Variants in MAPK10 observed in about 807,000 individuals in gnomAD.
The protein encoded by MAPK10 is mitogen-activated protein kinase 10.
Under a neutral mutation model 59.3 loss-of-function variants are expected in MAPK10, and 25 were observed. The ratio of observed to expected loss-of-function variants is 0.42; its 90% CI spans 0.31 to 0.59. The LOEUF (loss-of-function observed/expected upper bound fraction) is 0.59. Among genes scored for constraint, MAPK10 ranks in the 20% least tolerant of loss-of-function variants. The pLI, the probability that MAPK10 is intolerant of heterozygous loss-of-function variation, is 0.15. For missense variants in MAPK10, 351 were observed against 568.9 expected (o/e 0.62, Z 3.90); for synonymous variants, 190 against 200.5 (o/e 0.95, Z 0.44).
intron 1 of MAPK10, among the ~76,000 whole-genome samples, chr4:86,464,324 AG>A (rs1752004415): frequency 6.6e-6 from 1 of 152,234 alleles, no homozygotes. Flanking sequence ...CTGGATCAAA[AG>A]GTAAAGTTTT....
rs192587797 is a variant in MAPK10 at position 86,432,746 on chromosome 4, A to C, written c.-122+20284T>G. Among the ~76,000 whole-genome samples, 226 of 152,294 alleles carry C rather than the reference A, an allele frequency of 1.5e-3. 2 individuals are homozygous for C. Among genetic ancestry groups the C allele is most frequent in the African/African-American group, 5.1e-3 (211 of 41,568 alleles). On this transcript the variant is annotated intron_variant, in intron 1 of 13. Coordinates refer to the MAPK10 transcript ENST00000361569. ...TTGTAGTGGGAATGAGAGGAGCCCA[A>C]AACAACAAAGCCAGGTGGTGGCAAT... is the stretch of plus-strand genomic sequence containing the variant.
intron 2 of MAPK10, among the ~76,000 whole-genome samples, chr4:86,344,487 C>G (rs1272754741): frequency 6.6e-6 from 1 of 152,122 alleles, no homozygotes; most frequent in African/African-American, 2.4e-5. Flanking sequence ...TCTCTCCCCA[C>G]CTCCAAAGCC....
intron 1 of MAPK10, among the ~76,000 whole-genome samples, chr4:86,586,806 G>C (rs143849327): frequency 2.0e-5 from 3 of 152,228 alleles, no homozygotes; most frequent in African/African-American, 7.2e-5. Flanking sequence ...AGGGGAAAAC[G>C]GGAAATAAGC....
chr4:86,573,825 C>A (rs1382066233), intron 1 of MAPK10, among the ~76,000 whole-genome samples: 1 of 152,082 alleles, frequency 6.6e-6, no homozygotes, highest in African/African-American at 2.4e-5. Context: ...CCTTATTATT[C>A]ATCCTTTTTG....
intron 9 of MAPK10, among the ~76,000 whole-genome samples, chr4:86,071,581 G>A (rs1406836165): frequency 6.7e-6 from 1 of 149,632 alleles, no homozygotes; most frequent in East Asian, 1.9e-4. Flanking sequence ...AAGGTGTAAG[G>A]AAGGGATCCA....
chr4:86,403,678 G>A (rs911659319), intron 1 of MAPK10, among the ~76,000 whole-genome samples: 23 of 152,094 alleles, frequency 1.5e-4, no homozygotes, highest in African/African-American at 5.6e-4. Flanking sequence ...CTTCACAGGC[G>A]GCAGGAGAGA....
At chr4:86,406,769 G>A (rs910037375) in intron 1 of MAPK10, among the ~76,000 whole-genome samples, 1 of 152,176 alleles carries the variant, frequency 6.6e-6, no homozygotes, top group Non-Finnish European at 1.5e-5. Context: ...GGCTGGACAG[G>A]AGAACCGCCT....
rs144701964 is a variant in MAPK10, at chr4:86,381,593, G to A, written c.-121-26949C>T. On this transcript the variant is annotated intron_variant, in intron 1 of 13. Transcript: ENST00000361569. ...GAGAAAGGAAGAAGCCAAGGTATTC[G>A]TGTCCCTGCCTCTCTGCCTTATGTG... Among the ~76,000 whole-genome samples, 75 of 152,248 alleles carry A rather than the reference G, an allele frequency of 4.9e-4. No homozygotes were observed. In the East Asian group the frequency reaches 0.013, roughly 27 times the overall value.
chr4:86,342,127 A>C (rs778848370), intron 2 of MAPK10, among the ~76,000 whole-genome samples: 20 of 152,204 alleles, frequency 1.3e-4, no homozygotes, highest in Non-Finnish European at 1.9e-4. Flanking sequence ...GACACATCAA[A>C]TGTTGTCCCA....
chr4:86,276,467 T>C (rs1006902326), intron 2 of MAPK10, among the ~76,000 whole-genome samples: 2 of 151,970 alleles, frequency 1.3e-5, no homozygotes, highest in Non-Finnish European at 2.9e-5. Context: ...AAAAAAAAGA[T>C]ACATGCTTGC....
chr4:86,256,734 C>CTTTTTTTTTTTTTT (rs767737802), intron 2 of MAPK10, among the ~76,000 whole-genome samples: 71 of 59,634 alleles, frequency 1.2e-3, no homozygotes, highest in Non-Finnish European at 1.4e-3. Flanking sequence ...TTCTTTCTTT[C>CTTTTTTTTTTTTTT]TTTTTTTTTT....
At chr4:86,455,341 A>G (rs72868855), upstream of MAPK10, among the ~76,000 whole-genome samples, 200 of 152,304 alleles carry the variant, frequency 1.3e-3, 1 homozygote, top group African/African-American at 4.6e-3. Context: ...AAGACACGGA[A>G]TTGCAGAATG....
At chr4:86,515,876 TTTG>T (rs1000671097) in intron 1 of MAPK10, among the ~76,000 whole-genome samples, 6 of 131,756 alleles carry the variant, frequency 4.6e-5, no homozygotes, top group South Asian at 2.2e-4. Context: ...GGTTTTGTTT[TTTG>T]TTGTTGTTTT....
intron 4 of MAPK10, among the ~76,000 whole-genome samples, chr4:86,109,827 T>C (rs189894564): frequency 6.6e-6 from 1 of 152,298 alleles, no homozygotes; most frequent in African/African-American, 2.4e-5. Flanking sequence ...TCTACAATGG[T>C]TGAACTAATT....
At chr4:86,251,894 A>T (rs1383267469) in intron 2 of MAPK10, among the ~76,000 whole-genome samples, 5 of 131,632 alleles carry the variant, frequency 3.8e-5, no homozygotes, top group Admixed American at 2.1e-4. Flanking sequence ...GATATCTCAT[A>T]GTGGTTTTGA....
chr4:86,123,535 A>G (rs748147358), intron 4 of MAPK10, among the ~76,000 whole-genome samples: 1 of 152,058 alleles, frequency 6.6e-6, no homozygotes, highest in Non-Finnish European at 1.5e-5. Flanking sequence ...GCTTACATCA[A>G]CATTGCTACA....
At chr4:86,387,385 A>T (rs893675694) in intron 1 of MAPK10, among the ~76,000 whole-genome samples, 1 of 152,220 alleles carries the variant, frequency 6.6e-6, no homozygotes, top group Admixed American at 6.5e-5. Context: ...ATAAAACTCA[A>T]AATAATCAAG....
At chr4:86,393,195 C>T (rs1203431458) in intron 1 of MAPK10, among the ~76,000 whole-genome samples, 6 of 152,050 alleles carry the variant, frequency 3.9e-5, no homozygotes, top group Admixed American at 2.6e-4. Context: ...GTTTTTACCC[C>T]CAAGCATAAC....
chr4:86,139,695 A>G (rs1169121489), intron 4 of MAPK10, among the ~76,000 whole-genome samples: 1 of 152,152 alleles, frequency 6.6e-6, no homozygotes, highest in Non-Finnish European at 1.5e-5. Flanking sequence ...GATCTAATTA[A>G]ACTAAAGAGC....
Sources: gnomAD v4.1 joint callset for allele counts (sites outside exome capture counted in the v4.1 genomes callset) on GRCh38, gnomAD v4.1.1 for gene constraint, MANE v1.5 for transcripts, NCBI Gene and HGNC (gene_info 2026-07-23, HGNC 2026-07-21) for gene names.